The following ATP13A4 variants were observed in gnomAD, a reference collection of about 807,000 sequenced individuals.
ATP13A4 encodes the protein ATPase 13A4, also known as probable cation-transporting ATPase 13A4.
In ATP13A4, 114 loss-of-function variants were observed where a neutral mutation model predicts 142.5. The observed-to-expected ratio is 0.80, with a 90% CI of 0.69 to 0.93. The LOEUF is 0.93. Among genes scored for constraint, ATP13A4 ranks in the 40% least tolerant of loss-of-function variants. ATP13A4 has a pLI of 0.00. For synonymous variants in ATP13A4, 488 were observed against 514.8 expected (o/e 0.95, Z 0.70); for missense variants, 1,392 against 1,454.0 (o/e 0.96, Z 0.69).
In ATP13A4 at chr3:193,402,757, A is replaced by G. The variant is rs769736828; in HGVS notation, c.3486T>C (p.Pro1162=). The G allele has an allele frequency of 5.0e-6, 8 of 1,613,464 alleles. No individual in the cohort carries two copies. Among genetic ancestry groups the G allele is most frequent in the Non-Finnish European group, 4.2e-6 (5 of 1,179,552 alleles). Residue 1162 remains proline (P), a synonymous_variant, in exon 30 of 30, where the codon CCT becomes CCC. Transcript: ENST00000342695. ...AGGTTTGGTTTAGCGGGGGCCAACT[A>G]GGGTCATTTGCCAAGTCCCTCTGCC... is the stretch of plus-strand genomic sequence containing the variant. ...RIWQRDLAND[P]SWPPLNQTSH...
At chr3:193,521,535 G>A (rs192972547) in intron 1 of ATP13A4, among the ~76,000 whole-genome samples, 1 of 152,176 alleles carries the variant, frequency 6.6e-6, no homozygotes, top group Non-Finnish European at 1.5e-5. Flanking sequence ...TAACCTAATC[G>A]TGTATGGTTA....
chr3:193,519,626 ATTTTTTT>A (rs147173408), intron 1 of ATP13A4, among the ~76,000 whole-genome samples: 1,231 of 69,006 alleles, frequency 0.018, 13 homozygotes, highest in Admixed American at 0.026. Context: ...GCAATTTGTA[ATTTTTTT>A]TTTTTTTTTT....
At chr3:193,531,965 G>T (rs1396688397) in intron 1 of ATP13A4, among the ~76,000 whole-genome samples, 2 of 152,144 alleles carry the variant, frequency 1.3e-5, no homozygotes, top group African/African-American at 4.8e-5. Flanking sequence ...CTTGCTCAAT[G>T]ATCATATAGC....
At chr3:193,586,697 C>T (rs2108749392) in intron 1 of ATP13A4, among the ~76,000 whole-genome samples, 1 of 152,304 alleles carries the variant, frequency 6.6e-6, no homozygotes, top group South Asian at 2.1e-4. Flanking sequence ...TTTCTGAACC[C>T]TTTATTCTGG....
intron 2 of ATP13A4, among the ~76,000 whole-genome samples, chr3:193,568,075 T>C (rs1241478808): frequency 6.6e-6 from 1 of 152,164 alleles, no homozygotes; most frequent in Admixed American, 6.5e-5. Context: ...TTCTCCTGCC[T>C]CAGCCTCCTG....
intron 7 of ATP13A4, among the ~76,000 whole-genome samples, chr3:193,485,515 A>G (rs534028146): frequency 1.3e-5 from 2 of 152,334 alleles, no homozygotes; most frequent in East Asian, 3.9e-4. Flanking sequence ...AGTGGTGTTT[A>G]ATATCACAAG....
chr3:193,476,970 G>T (rs1465033978), intron 8 of ATP13A4, among the ~76,000 whole-genome samples: 1 of 151,980 alleles, frequency 6.6e-6, no homozygotes, highest in Non-Finnish European at 1.5e-5. Flanking sequence ...ATCAACACGT[G>T]ACACAGAGAT....
intron 1 of ATP13A4, among the ~76,000 whole-genome samples, chr3:193,518,149 GCA>G (rs1472234612): frequency 6.6e-6 from 1 of 152,050 alleles, no homozygotes; most frequent in African/African-American, 2.4e-5. Flanking sequence ...CCACATTCTT[GCA>G]CTGCAGTAAT....
At chr3:193,462,553 A>G (rs1718013947) in intron 13 of ATP13A4, among the ~76,000 whole-genome samples, 1 of 152,174 alleles carries the variant, frequency 6.6e-6, no homozygotes, top group Non-Finnish European at 1.5e-5. Flanking sequence ...TGTGAGTGGC[A>G]TGGGACTGGG....
In ATP13A4 at chr3:193,501,013, C is replaced by T. The variant is rs147792250; in HGVS notation, c.381+1480G>A. Among the ~76,000 whole-genome samples, 791 of 152,176 alleles carry T rather than the reference C, an allele frequency of 5.2e-3. 9 individuals are homozygous for T. The highest frequency in any genetic ancestry group is 0.018 in the African/African-American group (737 of 41,516). On this transcript the variant is annotated intron_variant, in intron 3 of 29. Transcript: ENST00000342695. ...CAGTAACTAACCAAACTGCCTATGC[C>T]GTAGCTGGTAAATGAAGATAGTACA...
At chr3:193,529,054 G>A (rs1302270887) in intron 1 of ATP13A4, among the ~76,000 whole-genome samples, 2 of 152,042 alleles carry the variant, frequency 1.3e-5, no homozygotes, top group Admixed American at 6.5e-5. Flanking sequence ...GGCAGATCAC[G>A]AGGTCAGGAG....
intron 8 of ATP13A4, among the ~76,000 whole-genome samples, chr3:193,482,683 A>G (rs1177344354): frequency 6.6e-6 from 1 of 152,238 alleles, no homozygotes; most frequent in African/African-American, 2.4e-5. Context: ...AGGGAAACAC[A>G]AATTAAAACA....
At chr3:193,487,223 C>T (rs1012631796) in intron 7 of ATP13A4, among the ~76,000 whole-genome samples, 1 of 151,926 alleles carries the variant, frequency 6.6e-6, no homozygotes, top group Admixed American at 6.6e-5. Flanking sequence ...AGAGGTTTAG[C>T]GATATCGGTA....
chr3:193,540,331 C>T, intron 1 of ATP13A4, among the ~76,000 whole-genome samples: 1 of 152,092 alleles, frequency 6.6e-6, no homozygotes, highest in Admixed American at 6.5e-5. Flanking sequence ...CTTCCTCATA[C>T]TTCTCCGTGA....
intron 18 of ATP13A4, among the ~76,000 whole-genome samples, chr3:193,447,916 G>C (rs917715873): frequency 2.0e-5 from 3 of 152,068 alleles, no homozygotes; most frequent in Non-Finnish European, 4.4e-5. Context: ...ATCTCGGAGA[G>C]GCATCTCTTA....
intron 28 of ATP13A4, 37 bp from the exon 29 acceptor site, chr3:193,407,430 C>T (rs769881554): frequency 2.0e-6 from 3 of 1,511,548 alleles, no homozygotes; most frequent in Non-Finnish European, 2.8e-6. Flanking sequence ...AGTCTGAAGA[C>T]ACGCAGATGC....
intron 8 of ATP13A4, among the ~76,000 whole-genome samples, chr3:193,474,722 G>C (rs1314031530): frequency 1.8e-5 from 2 of 112,216 alleles, no homozygotes; most frequent in African/African-American, 7.3e-5. Flanking sequence ...AAGAGAGAGA[G>C]AAAGAAAGAG....
intron 8 of ATP13A4, 148 bp downstream of exon 8, chr3:193,483,788 A>G (rs1210587251): frequency 2.1e-5 from 16 of 752,814 alleles, no homozygotes; most frequent in Non-Finnish European, 3.5e-5. Context: ...AGGTAAAAAA[A>G]AAAACTTAAG....
intron 2 of ATP13A4, among the ~76,000 whole-genome samples, chr3:193,513,276 A>G (rs1203082954): frequency 6.6e-6 from 1 of 152,216 alleles, no homozygotes; most frequent in African/African-American, 2.4e-5. Context: ...GGCCAGTTAT[A>G]AGGCTGATTG....
Sources: allele counts gnomAD v4.1 joint callset (sites outside exome capture counted in the v4.1 genomes callset), GRCh38; gene constraint gnomAD v4.1.1; transcripts MANE v1.5; gene names NCBI Gene and HGNC (gene_info 2026-07-23, HGNC 2026-07-21).